The following DTNA variants were observed in gnomAD, a reference collection of about 807,000 sequenced individuals.
The protein encoded by DTNA is dystrophin-related protein 3.
In DTNA, 43 loss-of-function variants were observed where a neutral mutation model predicts 100.7. The ratio of observed to expected loss-of-function variants is 0.43; its 90% confidence interval spans 0.33 to 0.55. The LOEUF (loss-of-function observed/expected upper bound fraction) is 0.55, where lower values mean the gene tolerates loss of function less well. Among genes scored for constraint, DTNA ranks in the 20% least tolerant of loss-of-function variants. DTNA has a pLI of 0.04. For synonymous variants in DTNA, 349 were observed against 347.9 expected (o/e 1.00, Z -0.04); for missense variants, 798 against 953.9 (o/e 0.84, Z 2.15).
chr18:34,615,966 A>AT (rs1035553582), intron 1 of DTNA, among the ~76,000 whole-genome samples: 8 of 152,012 alleles, frequency 5.3e-5, no homozygotes, highest in South Asian at 2.1e-4. Flanking sequence ...TATGTTCCAC[A>AT]TTTTTTTTGT....
intron 1 of DTNA, among the ~76,000 whole-genome samples, chr18:34,546,060 A>G (rs1347123070): frequency 6.6e-6 from 1 of 152,056 alleles, no homozygotes; most frequent in East Asian, 1.9e-4. Context: ...TTAAAATACA[A>G]TTTCCTGTAA....
chr18:34,601,084 A>G (rs937133945), intron 1 of DTNA, among the ~76,000 whole-genome samples: 2 of 151,780 alleles, frequency 1.3e-5, no homozygotes, highest in African/African-American at 2.4e-5. Context: ...AGGGCAGGAA[A>G]GAATTCAAGG....
At chr18:34,771,748 T>C (rs1232776632) in intron 3 of DTNA, among the ~76,000 whole-genome samples, 1 of 152,194 alleles carries the variant, frequency 6.6e-6, no homozygotes, top group African/African-American at 2.4e-5. Flanking sequence ...TTTTAAATAA[T>C]CCTTTCTAAT....
rs577887132 is a variant in DTNA at position 34,498,381 on chromosome 18, C to T, written c.-2+4867C>T. On this transcript the variant is annotated intron_variant, in intron 1 of 19. Coordinates refer to the DTNA transcript ENST00000283365. ...CCGGGAGGCAGAGCTTGCAGTGAGC[C>T]GAGATCGCGCCACTGTGCTCCAGCC... 2.0e-5 allele frequency among the ~76,000 whole-genome samples: 3 copies of T among 150,692 alleles called. No individual in the cohort carries two copies. In the South Asian group the frequency reaches 6.3e-4, roughly 32 times the overall value.
chr18:34,566,623 C>T (rs1296701622), intron 1 of DTNA, among the ~76,000 whole-genome samples: 1 of 152,194 alleles, frequency 6.6e-6, no homozygotes, highest in Non-Finnish European at 1.5e-5. Context: ...GTGCTGGAGT[C>T]GTCTACTTGT....
At chr18:34,760,694 C>T (rs2093093026) in intron 2 of DTNA, among the ~76,000 whole-genome samples, 1 of 152,184 alleles carries the variant, frequency 6.6e-6, no homozygotes, top group Non-Finnish European at 1.5e-5. Flanking sequence ...CAGCTGGGCA[C>T]AGCTCAGAAG....
chr18:34,851,777 AATACATAGGTTCAC>A (rs2096482819), intron 14 of DTNA, 40 bp from the exon 15 acceptor site: 1 of 1,583,592 alleles, frequency 6.3e-7, no homozygotes, highest in South Asian at 1.1e-5. Context: ...TGCCTTCCCA[AATACATAGGTTCAC>A]ATTCTCAATA....
At chr18:34,792,456 T>C (rs905695839) in intron 3 of DTNA, among the ~76,000 whole-genome samples, 2 of 152,190 alleles carry the variant, frequency 1.3e-5, no homozygotes, top group African/African-American at 2.4e-5. Flanking sequence ...CATAGCTCAA[T>C]TCATAGTAGA....
At chr18:34,819,955 G>A (rs2095671023) in intron 8 of DTNA, among the ~76,000 whole-genome samples, 1 of 148,988 alleles carries the variant, frequency 6.7e-6, no homozygotes, top group African/African-American at 2.4e-5. Flanking sequence ...TTATTATTAT[G>A]TTGGTGCAAA....
At chr18:34,794,993 A>G (rs1480731593) in intron 4 of DTNA, among the ~76,000 whole-genome samples, 3 of 152,204 alleles carry the variant, frequency 2.0e-5, no homozygotes, top group African/African-American at 4.8e-5. Flanking sequence ...TTCTTTACCA[A>G]GGTATATGTG....
intron 1 of DTNA, among the ~76,000 whole-genome samples, chr18:34,583,681 A>G (rs893251539): frequency 6.6e-6 from 1 of 152,092 alleles, no homozygotes; most frequent in African/African-American, 2.4e-5. Flanking sequence ...AGGAGATGCC[A>G]AAAAGAAACA....
chr18:34,695,554 T>C (rs1341801308), intron 1 of DTNA, among the ~76,000 whole-genome samples: 1 of 152,208 alleles, frequency 6.6e-6, no homozygotes, highest in African/African-American at 2.4e-5. Context: ...AACTGAAGCA[T>C]TGACATTAGT....
Position 34,638,028 on chromosome 18 carries a change from A to G in DTNA, c.-1-117948A>G, listed in dbSNP as rs371731339. ...TCAGATAGGTCCCAGGCATCTCAGC[A>G]TTACTTCTTATCGTTGTCTGTCCTT... is the stretch of plus-strand genomic sequence containing the variant. On this transcript the variant is annotated intron_variant, in intron 1 of 19. Transcript: ENST00000283365. Among the ~76,000 whole-genome samples the G allele has an allele frequency of 1.1e-4, 16 of 152,350 alleles. No homozygotes were observed. In the East Asian group the frequency reaches 1.9e-3, roughly 18 times the overall value.
chr18:34,509,987 G>A (rs905350794), intron 1 of DTNA, among the ~76,000 whole-genome samples: 21 of 151,570 alleles, frequency 1.4e-4, no homozygotes, highest in African/African-American at 5.1e-4. Context: ...GGTTATAAAA[G>A]CAAAATAATC....
chr18:34,718,405 C>T (rs778966904), intron 1 of DTNA, among the ~76,000 whole-genome samples: 10 of 152,106 alleles, frequency 6.6e-5, no homozygotes, highest in Middle Eastern at 3.2e-3. Context: ...AATTAGGCAT[C>T]GTTTAGAAAG....
At chr18:34,684,671 G>A (rs919724656) in intron 1 of DTNA, among the ~76,000 whole-genome samples, 1 of 152,088 alleles carries the variant, frequency 6.6e-6, no homozygotes, top group Non-Finnish European at 1.5e-5. Context: ...CCAGTAATAC[G>A]ATTGCTAGGT....
At chr18:34,505,902 A>G (rs1441070198) in intron 1 of DTNA, among the ~76,000 whole-genome samples, 1 of 152,178 alleles carries the variant, frequency 6.6e-6, no homozygotes, top group Admixed American at 6.5e-5. Context: ...ATGATTTTCA[A>G]TGGAAACTTG....
At chr18:34,670,920 A>G (rs934195520) in intron 1 of DTNA, among the ~76,000 whole-genome samples, 1 of 152,166 alleles carries the variant, frequency 6.6e-6, no homozygotes, top group Admixed American at 6.5e-5. Context: ...CAAACTCTGT[A>G]CTGGGAGAAC....
intron 1 of DTNA, among the ~76,000 whole-genome samples, chr18:34,663,304 C>A (rs1358978993): frequency 6.6e-6 from 1 of 152,054 alleles, no homozygotes; most frequent in Admixed American, 6.6e-5. Flanking sequence ...CATACAGGTG[C>A]ATGCCACCAC....
Sources: allele counts gnomAD v4.1 joint callset (sites outside exome capture counted in the v4.1 genomes callset), GRCh38; gene constraint gnomAD v4.1.1; transcripts MANE v1.5; gene names NCBI Gene and HGNC (gene_info 2026-07-23, HGNC 2026-07-21).